The following EHMT1 variants were observed in gnomAD, a reference collection of about 807,000 sequenced individuals.
EHMT1 encodes the protein histone-lysine N-methyltransferase EHMT1.
EHMT1 carries 15 observed loss-of-function variants against 147.2 expected under a neutral mutation model. The ratio of observed to expected loss-of-function variants is 0.10; its 90% CI spans 0.07 to 0.16. The LOEUF (loss-of-function observed/expected upper bound fraction) is 0.16, where lower values mean the gene tolerates loss of function less well. EHMT1 is among the 10% of genes least tolerant of loss of function. EHMT1 has a pLI of 1.00. For missense variants in EHMT1, 1,587 were observed against 1,772.4 expected, an observed-to-expected ratio of 0.90 and a Z score of 1.88; for synonymous variants, 795 against 709.6, an observed-to-expected ratio of 1.12 and a Z score of -1.91.
chr9:137,730,136 G>A (rs767711334), intron 4 of EHMT1, among the ~76,000 whole-genome samples: 3 of 152,326 alleles, frequency 2.0e-5, no homozygotes, highest in Middle Eastern at 6.8e-3. Context: ...GTCGTGGAGC[G>A]ACGCAGGTGA....
At chr9:137,814,191 G>A (rs570722175) in intron 21 of EHMT1, 6 of 607,270 alleles carry the variant, frequency 9.9e-6, no homozygotes, top group Admixed American at 2.5e-5. Context: ...CTGCCGCGTC[G>A]CTGCCCTGCC....
Position 137,815,962 on chromosome 9 carries a change from C to G in EHMT1, c.3274C>G (p.Pro1092Ala). ...CWYDKDGRLL[P>A]EFNMAEPPLI... ...CTGTCCACAGGATGGCCGGCTCCTGCCAGAGTTCAACATGGCGGAGCCTCC... is the reference window on the plus strand; with the variant it reads ...CTGTCCACAGGATGGCCGGCTCCTGGCAGAGTTCAACATGGCGGAGCCTCC... Residue 1092 changes from proline to alanine, a missense_variant, in exon 23 of 27, where the codon CCA (proline) becomes GCA (alanine). By Grantham distance (27) the Pro-to-Ala change is conservative. Coordinates refer to ENST00000460843, the MANE Select transcript of EHMT1 (RefSeq NM_024757.5). The G allele has an allele frequency of 6.2e-7, 1 of 1,608,094 alleles. No individual in the cohort carries two copies. The highest frequency in any genetic ancestry group is 8.5e-7 in the Non-Finnish European group (1 of 1,177,366).
chr9:137,680,056 C>G (rs112773633), intron 1 of EHMT1, among the ~76,000 whole-genome samples: 6,462 of 152,106 alleles, frequency 0.042, 434 homozygotes, highest in African/African-American at 0.15. Context: ...GTATCTGTAT[C>G]TTGTATTGTA....
intron 1 of EHMT1, among the ~76,000 whole-genome samples, chr9:137,658,968 A>G (rs927598154): frequency 6.6e-6 from 1 of 152,056 alleles, no homozygotes; most frequent in African/African-American, 2.4e-5. Flanking sequence ...CTGGAGTGGA[A>G]CTGCTGAACC....
intron 1 of EHMT1, among the ~76,000 whole-genome samples, chr9:137,679,753 TATTTA>T (rs1226658476): frequency 1.3e-5 from 2 of 152,234 alleles, no homozygotes; most frequent in Non-Finnish European, 2.9e-5. Flanking sequence ...TTTTAAAGTT[TATTTA>T]TTCATTTTTA....
At chr9:137,800,001 G>A (rs981841468) in intron 17 of EHMT1, among the ~76,000 whole-genome samples, 7 of 152,190 alleles carry the variant, frequency 4.6e-5, no homozygotes, top group Non-Finnish European at 7.3e-5. Context: ...ACTGTCGACC[G>A]CAGGGGAGAT....
At position 137,752,355 on chromosome 9, in the gene EHMT1, C is replaced by CGGG; in HGVS notation, c.1195_1196insGGG (p.Gln399delinsArgGlu). 1.2e-6 allele frequency: 2 copies of CGGG among 1,614,190 alleles called. No individual in the cohort carries two copies. Among genetic ancestry groups the CGGG allele is most frequent in the Non-Finnish European group, 1.7e-6 (2 of 1,180,022 alleles). On this transcript the variant is annotated protein_altering_variant, in exon 7 of 27. Transcript: ENST00000460843. Reference sequence around the variant, plus strand: ...GATGGACGGGGAGTCCGAGGAGGAGCAGGAGTCCGTGGACACCGGGGAGGA... The same window carrying CGGG: ...GATGGACGGGGAGTCCGAGGAGGAGCGGGAGGAGTCCGTGGACACCGGGGAGGA...
At chr9:137,809,888 G>C (rs146778037) in intron 18 of EHMT1, among the ~76,000 whole-genome samples, 8,600 of 133,864 alleles carry the variant, frequency 0.064, 1,301 homozygotes, top group African/African-American at 0.31. Flanking sequence ...TGATGGGTCC[G>C]GAGGCGGTTC....
rs1952945731 is a variant in EHMT1 at position 137,796,403 on chromosome 9, A to G, written c.2506-2410A>G. Among the ~76,000 whole-genome samples the G allele has an allele frequency of 2.6e-5, 4 of 152,314 alleles. No individual in the cohort carries two copies. In the South Asian group the frequency reaches 6.2e-4, roughly 24 times the overall value. On this transcript the variant is annotated intron_variant, in intron 16 of 26. Transcript: ENST00000460843. ...ATCGGCCAAAGATTAATATCCAAAA[A>G]TATAAAGAACTACAAATGAGGCCAA...
At chr9:137,720,563 A>G (rs1265016449) in intron 3 of EHMT1, among the ~76,000 whole-genome samples, 1 of 152,140 alleles carries the variant, frequency 6.6e-6, no homozygotes, top group African/African-American at 2.4e-5. Context: ...TCGGCATCCC[A>G]AAGTGCTGGG....
At chr9:137,744,951 G>A (rs1948423690) in intron 6 of EHMT1, among the ~76,000 whole-genome samples, 1 of 152,256 alleles carries the variant, frequency 6.6e-6, no homozygotes, top group Admixed American at 6.5e-5. Context: ...TGCTTTTTCA[G>A]TTCTGAGGGG....
intron 10 of EHMT1, among the ~76,000 whole-genome samples, chr9:137,768,575 A>T: frequency 1.6e-5 from 1 of 61,684 alleles, no homozygotes; most frequent in African/African-American, 6.4e-5. Flanking sequence ...TTTGAGACGG[A>T]GTCTTGCTCT....
At chr9:137,814,602 C>A in intron 22 of EHMT1, 94 bp downstream of exon 22, 1 of 1,431,442 alleles carries the variant, frequency 7.0e-7, no homozygotes. Flanking sequence ...CCAGCGCTGT[C>A]GTGGCAGCGT....
chr9:137,705,334 C>T (rs952423951), intron 1 of EHMT1, among the ~76,000 whole-genome samples: 3 of 152,200 alleles, frequency 2.0e-5, no homozygotes, highest in Admixed American at 2.0e-4. Context: ...GACATGAAAT[C>T]TCCTGAGTGT....
At chr9:137,638,532 A>G (rs1432408166) in intron 1 of EHMT1, 1 of 152,214 alleles carries the variant, frequency 6.6e-6, no homozygotes, top group African/African-American at 2.4e-5. Flanking sequence ...GGCATGAGCC[A>G]CTGCACCCGG....
chr9:137,744,426 C>G (rs779961775), intron 6 of EHMT1, among the ~76,000 whole-genome samples: 21 of 152,116 alleles, frequency 1.4e-4, no homozygotes, highest in Non-Finnish European at 1.8e-4. Flanking sequence ...CTCAATGATC[C>G]TCCCATCCCA....
chr9:137,807,032 C>G (rs1215900394), intron 18 of EHMT1, among the ~76,000 whole-genome samples: 1 of 152,122 alleles, frequency 6.6e-6, no homozygotes, highest in East Asian at 1.9e-4. Context: ...TACTGAAGTG[C>G]TTTGGTGTTA....
chr9:137,735,954 C>T (rs1234102283), intron 4 of EHMT1, among the ~76,000 whole-genome samples: 2 of 152,118 alleles, frequency 1.3e-5, no homozygotes, highest in African/African-American at 2.4e-5. Flanking sequence ...AGCCACCAGA[C>T]TCAGGAGACA....
At chr9:137,654,469 A>G (rs1938223224) in intron 1 of EHMT1, among the ~76,000 whole-genome samples, 1 of 151,022 alleles carries the variant, frequency 6.6e-6, no homozygotes, top group African/African-American at 2.4e-5. Context: ...TCCATTGATC[A>G]GATGTTGTTC....
Sources: gnomAD v4.1 joint callset for allele counts (sites outside exome capture counted in the v4.1 genomes callset) on GRCh38, gnomAD v4.1.1 for gene constraint, MANE v1.5 for transcripts, NCBI Gene and HGNC (gene_info 2026-07-23, HGNC 2026-07-21) for gene names.